The following ZFHX4 variants were observed in gnomAD, a reference collection of about 807,000 sequenced individuals.
The protein encoded by ZFHX4 is zinc finger homeobox 4.
In ZFHX4, 56 loss-of-function variants were observed where a neutral mutation model predicts 267.6. The observed-to-expected ratio is 0.21, with a 90% CI of 0.17 to 0.26. The LOEUF is 0.26. Ranked by LOEUF, ZFHX4 falls within the 10% of genes least tolerant of loss-of-function variation. The pLI, the probability that ZFHX4 is intolerant of heterozygous loss-of-function variation, is 1.00. For synonymous variants in ZFHX4, 1,778 were observed against 1,665.6 expected (o/e 1.07, Z -1.64); for missense variants, 4,332 against 4,420.0 (o/e 0.98, Z 0.56).
chr8:76,768,743 T>C (rs1437903448), intron 3 of ZFHX4, among the ~76,000 whole-genome samples: 1 of 151,996 alleles, frequency 6.6e-6, no homozygotes, highest in Non-Finnish European at 1.5e-5. Context: ...CAGTATAGGT[T>C]TGGAGAGAAA....
intron 3 of ZFHX4, among the ~76,000 whole-genome samples, chr8:76,761,721 T>C (rs941140158): frequency 6.6e-6 from 1 of 152,182 alleles, no homozygotes; most frequent in African/African-American, 2.4e-5. Context: ...TATTTGATTT[T>C]CTAATCTTGG....
chr8:76,755,706 TTGTC>T (rs1234714873), intron 3 of ZFHX4, among the ~76,000 whole-genome samples: 2 of 152,212 alleles, frequency 1.3e-5, no homozygotes, highest in Admixed American at 6.5e-5. Flanking sequence ...TGTGTTGAAA[TTGTC>T]TGATCTTTTT....
intron 10 of ZFHX4, 171 bp downstream of exon 10, chr8:76,856,471 T>C (rs1461645734): frequency 2.6e-6 from 2 of 766,856 alleles, no homozygotes; most frequent in Non-Finnish European, 4.3e-6. Flanking sequence ...AGGAAGTAGG[T>C]CAACCTGAAA....
At position 76,798,274 on chromosome 8, in the gene ZFHX4, G is replaced by T. The variant is rs556690591; in HGVS notation, c.3325+19835G>T. Among the ~76,000 whole-genome samples the T allele has an allele frequency of 3.5e-4, 54 of 152,144 alleles. No homozygotes were observed. In the South Asian group the frequency reaches 0.011, roughly 30 times the overall value. ...ATTTTTATCTGGGTACTTCACTGGT[G>T]AGTAATTGCTAAAGGGAACCCATTA... On this transcript the variant is annotated intron_variant, in intron 4 of 10. Transcript: ENST00000651372.
At chr8:76,837,036 G>A (rs1017129505) in intron 5 of ZFHX4, among the ~76,000 whole-genome samples, 3 of 152,050 alleles carry the variant, frequency 2.0e-5, no homozygotes, top group South Asian at 2.1e-4. Flanking sequence ...ATGTGTTGAG[G>A]AGCATCAAGA....
At chr8:76,713,943 C>A (rs982630925) in intron 3 of ZFHX4, among the ~76,000 whole-genome samples, 17 of 151,962 alleles carry the variant, frequency 1.1e-4, no homozygotes, top group African/African-American at 3.4e-4. Flanking sequence ...CCACCACCAC[C>A]ACAACAACAA....
intron 1 of ZFHX4, among the ~76,000 whole-genome samples, chr8:76,693,167 T>A (rs1306321861): frequency 6.6e-6 from 1 of 152,188 alleles, no homozygotes; most frequent in Non-Finnish European, 1.5e-5. Context: ...TGGTGCTTAA[T>A]AAATACCTGT....
At chr8:76,753,049 G>T (rs934931015) in intron 3 of ZFHX4, among the ~76,000 whole-genome samples, 1 of 152,082 alleles carries the variant, frequency 6.6e-6, no homozygotes, top group Non-Finnish European at 1.5e-5. Flanking sequence ...GTAGAGATAG[G>T]GTTGCAAATA....
chr8:76,710,066 C>T (rs1808384996), intron 3 of ZFHX4, among the ~76,000 whole-genome samples: 1 of 152,090 alleles, frequency 6.6e-6, no homozygotes, highest in Admixed American at 6.6e-5. Context: ...TGTTATAAAT[C>T]ATATAAAAAT....
chr8:76,733,490 A>T (rs1048031335), intron 3 of ZFHX4: 1 of 152,200 alleles, frequency 6.6e-6, no homozygotes, highest in Admixed American at 6.5e-5. Flanking sequence ...AATACCTTTC[A>T]TTTAAAGGAA....
At chr8:76,692,195 A>G (rs1216096251) in intron 1 of ZFHX4, among the ~76,000 whole-genome samples, 1 of 152,024 alleles carries the variant, frequency 6.6e-6, no homozygotes, top group Non-Finnish European at 1.5e-5. Flanking sequence ...AATAATTCAG[A>G]CCTTAGTCTA....
chr8:76,758,778 G>A (rs770769760), intron 3 of ZFHX4, among the ~76,000 whole-genome samples: 6 of 152,128 alleles, frequency 3.9e-5, no homozygotes, highest in African/African-American at 7.2e-5. Context: ...AGAAGTGTGA[G>A]CCACTGTGCC....
chr8:76,857,354 TTATA>T (rs10576780), intron 10 of ZFHX4, among the ~76,000 whole-genome samples: 19,741 of 143,304 alleles, frequency 0.14, 2,009 homozygotes, highest in African/African-American at 0.29. Context: ...TTCACTAATT[TTATA>T]TATATATATA....
intron 3 of ZFHX4, among the ~76,000 whole-genome samples, chr8:76,728,134 G>A (rs1773479884): frequency 6.6e-6 from 1 of 152,150 alleles, no homozygotes; most frequent in Non-Finnish European, 1.5e-5. Context: ...AGTCCAAGTT[G>A]TTTTTGTGAA....
At chr8:76,715,841 G>C (rs1373848257) in intron 3 of ZFHX4, among the ~76,000 whole-genome samples, 2 of 152,042 alleles carry the variant, frequency 1.3e-5, no homozygotes, top group Admixed American at 1.3e-4. Context: ...ATATTCTTTT[G>C]ATTTAGAATT....
rs1181356101 is a variant in ZFHX4 at position 76,795,399 on chromosome 8, G to T, written c.3325+16960G>T. ...AGTGATCCTATTGCCTAAGCCACCT[G>T]AGTAGCTTGCACCGTAGGCACACAC... On this transcript the variant is annotated intron_variant, in intron 4 of 10. Coordinates refer to ENST00000651372, the MANE Select transcript of ZFHX4 (RefSeq NM_024721.5). 2.0e-5 allele frequency among the ~76,000 whole-genome samples: 3 copies of T among 152,022 alleles called. No individual in the cohort carries two copies. In the South Asian group the frequency reaches 6.2e-4, roughly 32 times the overall value.
intron 3 of ZFHX4, 116 bp downstream of exon 3, chr8:76,708,164 G>T (rs745473008): frequency 1.6e-6 from 2 of 1,266,600 alleles, no homozygotes; most frequent in African/African-American, 1.5e-5. Context: ...ACATCAAAGG[G>T]CAGGGGGCAC....
At position 76,854,948 on chromosome 8, in the gene ZFHX4, G is replaced by C. The variant is rs762044033; in HGVS notation, c.8027G>C (p.Arg2676Pro). 101 of 1,613,828 alleles carry C rather than the reference G, an allele frequency of 6.3e-5. 2 individuals are homozygous for C. The South Asian group carries it at 1.1e-3, about 17-fold the overall frequency. ...GTGGGTCCAGCACAGTCTCATAAACGGTGTCCGTTTTGCCGAGCCCTGTTT... is the reference window on the plus strand; with the variant it reads ...GTGGGTCCAGCACAGTCTCATAAACCGTGTCCGTTTTGCCGAGCCCTGTTT... ...RAVGPAQSHK[R>P]CPFCRALFKA... Residue 2676 changes from arginine (R) to proline (P), a missense_variant, in exon 10 of 11, where the codon CGG (arginine) becomes CCG (proline). Physicochemically the swap from Arg to Pro is moderately radical, Grantham distance 103 (BLOSUM62 -2). This residue lies in a region of ZFHX4 where 1,648 missense variants were observed against 1,625.0 expected (regional missense o/e 1.01). Coordinates refer to ENST00000651372, the MANE Select transcript of ZFHX4 (RefSeq NM_024721.5).
intron 4 of ZFHX4, among the ~76,000 whole-genome samples, chr8:76,793,059 G>A (rs1340575338): frequency 1.3e-5 from 2 of 152,132 alleles, no homozygotes; most frequent in Non-Finnish European, 2.9e-5. Flanking sequence ...AAGGAAGTTA[G>A]TGTCTGACCT....
Sources: allele counts gnomAD v4.1 joint callset (sites outside exome capture counted in the v4.1 genomes callset), GRCh38; gene constraint gnomAD v4.1.1; regional missense constraint gnomAD v4.1.1; transcripts MANE v1.5; gene names NCBI Gene and HGNC (gene_info 2026-07-23, HGNC 2026-07-21).